Variants in EOLA2 observed in about 807,000 individuals in gnomAD.
EOLA2 encodes endothelium and lymphocyte associated ASCH domain 2.
Under a neutral mutation model 4.1 loss-of-function variants are expected in EOLA2, and 3 were observed. That is an observed-to-expected ratio of 0.73 (90% confidence interval 0.33 to 1.89). EOLA2 has a LOEUF of 1.89. Ranked by LOEUF, EOLA2 falls within the 40% of genes most tolerant of loss-of-function variation. The probability of loss-of-function intolerance (pLI) is 0.08; values close to 1 mark genes in which losing one functional copy is unlikely to be tolerated. For synonymous variants in EOLA2, 52 were observed against 51.7 expected, an observed-to-expected ratio of 1.01 and a Z score of -0.03; for missense variants, 109 against 126.4, an observed-to-expected ratio of 0.86 and a Z score of 0.66.
In EOLA2 at chrX:149,933,019, CAAGT is replaced by C. The variant is rs373546884; in HGVS notation, c.254-256_254-253del. 4.7e-4 allele frequency among the ~76,000 whole-genome samples: 50 copies of C among 106,367 alleles called. 1 individual carries two copies. The highest frequency in any genetic ancestry group is 1.7e-3 in the African/African-American group (48 of 27,954). 92.4% of individuals were successfully genotyped at this position (106,367 alleles called of 115,157 possible). A position where few individuals can be genotyped will look rare whatever the true frequency, so the allele number is the denominator to read the frequency against. On this transcript the variant is annotated intron_variant, in intron 4 of 4. Coordinates refer to ENST00000370406, the MANE Select transcript of EOLA2 (RefSeq NM_001013845.2). ...AGGGCCTTGTCCTCATGAAGCCACA[CAAGT>C]AAGAGGCAGGTCCAAGCCAGACTTC...
Position 149,932,736 on chromosome X carries a change from G to A in EOLA2, c.285C>T (p.Cys95=). The change falls in exon 5 of 5, where the codon TGC becomes TGT. Residue 95 remains cysteine (C), a synonymous_variant. Transcript: ENST00000370406. Reference sequence around the variant, plus strand: ...CCTCATCGGGAGTTAAGTCTTCGGGGCATTGCAAAGTTTCCCCAATGTCAA... The same window carrying A: ...CCTCATCGGGAGTTAAGTCTTCGGGACATTGCAAAGTTTCCCCAATGTCAA... The part of the protein sequence containing the change: ...GLVDIGETLQ[C]PEDLTPDEVV... The A allele has an allele frequency of 8.3e-7, 1 of 1,205,176 alleles. No homozygotes were observed.
intron 2 of EOLA2, 32 bp from the exon 3 acceptor site, chrX:149,934,169 G>T: frequency 2.0e-6 from 2 of 1,009,244 alleles, no homozygotes; most frequent in Non-Finnish European, 2.5e-6. Context: ...ATAGCATGTG[G>T]TCAGTGCTAT....
At position 149,933,145 on chromosome X, in the gene EOLA2, G is replaced by A. The variant is rs782193500; in HGVS notation, c.254-378C>T. Among the ~76,000 whole-genome samples, 50 of 100,258 alleles carry A rather than the reference G, an allele frequency of 5.0e-4. 1 individual carries two copies. The highest frequency in any genetic ancestry group is 3.0e-3 in the Admixed American group (28 of 9,276). 87.1% of individuals were successfully genotyped at this position (100,258 alleles called of 115,157 possible). A position where few individuals can be genotyped will look rare whatever the true frequency, so the allele number is the denominator to read the frequency against. ...TCACCAGGGGACAGATGCTGATGTC[G>A]GGCCTCAGTCACCTAGAGGTTAGGG... On this transcript the variant is annotated intron_variant, in intron 4 of 4. Transcript: ENST00000370406.
intron 2 of EOLA2, among the ~76,000 whole-genome samples, chrX:149,936,743 G>A (rs1263074722): frequency 9.1e-6 from 1 of 110,381 alleles, no homozygotes; most frequent in Admixed American, 9.6e-5. Flanking sequence ...CTTTGTTTCA[G>A]CCATCTTGGC....
intron 1 of EOLA2, 56 bp from the exon 2 acceptor site, chrX:149,937,536 G>A (rs1268004802): frequency 5.8e-6 from 2 of 342,997 alleles, no homozygotes; most frequent in African/African-American, 2.8e-5. Context: ...CAGCAAAGCT[G>A]GTTAATGGCC....
rs782347874 is a variant in EOLA2, at chrX:149,935,574, C to T, written c.-162-1437G>A. Among the ~76,000 whole-genome samples the T allele has an allele frequency of 9.3e-4, 75 of 80,594 alleles. 1 individual carries two copies. In the East Asian group the frequency reaches 0.012, roughly 13 times the overall value. 70.0% of individuals were successfully genotyped at this position (80,594 alleles called of 115,157 possible). The stretch of plus-strand genomic sequence containing the variant: ...ACCTATCCCCACAAGCACCCATGGC[C>T]GGCCTCATGCCAGTCCTGTCTTCAT... On this transcript the variant is annotated intron_variant, in intron 2 of 4. Transcript: ENST00000370406.
At chrX:149,936,887 G>T (rs1382305995) in intron 2 of EOLA2, among the ~76,000 whole-genome samples, 8 of 104,911 alleles carry the variant, frequency 7.6e-5, no homozygotes, top group Non-Finnish European at 1.4e-4. Context: ...TCCCATTGTT[G>T]GTCGTCTCAT....
At position 149,934,054 on chromosome X, in the gene EOLA2, G is replaced by A; in HGVS notation, c.-79C>T. The A allele has an allele frequency of 1.8e-6, 2 of 1,088,695 alleles. No individual in the cohort carries two copies. The highest frequency in any genetic ancestry group is 2.4e-6 in the Non-Finnish European group (2 of 839,000). The allele number at this position is 1,088,695 out of a possible 1,213,427, so 89.7% of individuals were successfully genotyped here. A position where few individuals can be genotyped will look rare whatever the true frequency, so the allele number is the denominator to read the frequency against. ...GTCACTGATGTCGAGCACCACAGCA[G>A]GCCCAAGGGAAGGGGCTAGGATTCG... On this transcript the variant is annotated 5_prime_UTR_variant, in exon 3 of 5. Coordinates refer to ENST00000370406, the MANE Select transcript of EOLA2 (RefSeq NM_001013845.2).
downstream of EOLA2, chrX:149,932,128 C>T (rs1230540086): frequency 1.8e-5 from 14 of 774,540 alleles, no homozygotes; most frequent in Admixed American, 7.3e-5. Context: ...ATGCTAGTTA[C>T]ACATTTGATG....
intron 2 of EOLA2, among the ~76,000 whole-genome samples, chrX:149,936,837 A>G (rs1258215913): frequency 9.8e-6 from 1 of 101,611 alleles, no homozygotes; most frequent in Non-Finnish European, 2.0e-5. Context: ...TTTCCACCTG[A>G]CAATCTTCAT....
chrX:149,931,602 T>G (rs1385865121), downstream of EOLA2, among the ~76,000 whole-genome samples: 6 of 92,862 alleles, frequency 6.5e-5, no homozygotes, highest in Admixed American at 4.9e-4. Flanking sequence ...CCAGGAAGTG[T>G]CTGGTCAGCA....
intron 2 of EOLA2, among the ~76,000 whole-genome samples, chrX:149,935,529 A>C (rs868935316): frequency 6.1e-3 from 20 of 3,268 alleles, no homozygotes; most frequent in South Asian, 0.043. Flanking sequence ...CACCCCCCCC[A>C]CCACCCACTC....
At chrX:149,934,322 C>T (rs2090941768) in intron 2 of EOLA2, 185 bp from the exon 3 acceptor site, 2 of 590,584 alleles carry the variant, frequency 3.4e-6, no homozygotes, top group Non-Finnish European at 2.1e-6. Flanking sequence ...CTTTCCCCTG[C>T]TGTGCCCTGC....
downstream of EOLA2, among the ~76,000 whole-genome samples, chrX:149,930,350 C>T (rs1557374110): frequency 9.0e-6 from 1 of 111,692 alleles, no homozygotes; most frequent in African/African-American, 3.3e-5. Flanking sequence ...TCATATTTTG[C>T]AGACCTGCAT....
At chrX:149,931,336 G>C (rs782789386), downstream of EOLA2, 1 of 288,998 alleles carries the variant, frequency 3.5e-6, no homozygotes, top group East Asian at 5.9e-5. Context: ...ACATCTCATT[G>C]GCAGAAACCA....
chrX:149,933,960 C>G (rs1448843276), intron 3 of EOLA2, 45 bp downstream of exon 3: 2 of 1,161,260 alleles, frequency 1.7e-6, no homozygotes, highest in Admixed American at 2.4e-5. Context: ...GGGCAGTGGC[C>G]TGACCTTCCC....
Position 149,933,898 on chromosome X carries a change from C to T in EOLA2, c.-24G>A, listed in dbSNP as rs782198624. The T allele has an allele frequency of 4.8e-5, 57 of 1,192,213 alleles. No individual in the cohort carries two copies. The highest frequency in any genetic ancestry group is 6.0e-5 in the Non-Finnish European group (53 of 884,775). On this transcript the variant is annotated 5_prime_UTR_variant, in exon 4 of 5. Coordinates refer to ENST00000370406, the MANE Select transcript of EOLA2 (RefSeq NM_001013845.2). Reference sequence around the variant, plus strand: ...ATCTTCGCAAGCGCCCCGGGCCTCCCGTAGCCTGCGGAAGCACAGAAGCGC... The same window carrying T: ...ATCTTCGCAAGCGCCCCGGGCCTCCTGTAGCCTGCGGAAGCACAGAAGCGC...
rs1323304994 is a variant in EOLA2, at chrX:149,937,496, G to A, written c.-210-16C>T. On this transcript the variant is annotated splice_polypyrimidine_tract_variant and intron_variant, in intron 1 of 4. Transcript: ENST00000370406. Reference sequence around the variant, plus strand: ...GTTTCTTTACCTGCACAACAAGGAAGATAAAGAGGAAAGGTCATTAAATGC... The same window carrying A: ...GTTTCTTTACCTGCACAACAAGGAAAATAAAGAGGAAAGGTCATTAAATGC... 17 of 591,736 alleles carry A rather than the reference G, an allele frequency of 2.9e-5. No homozygotes were observed. The highest frequency in any genetic ancestry group is 3.5e-5 in the Non-Finnish European group (17 of 490,585). The allele number at this position is 591,736 out of a possible 1,213,427, so 48.8% of individuals were successfully genotyped here.
rs1404172419 is a variant in EOLA2, at chrX:149,938,459, C to T, written c.-477G>A. ...CATAACTTCGGCTTTCATGCAGCTC[C>T]CGTCGTCCCTTTCATGAGGAACGTA... On this transcript the variant is annotated 5_prime_UTR_variant, in exon 1 of 5. Transcript: ENST00000370406. The T allele has an allele frequency of 8.9e-6, 1 of 112,881 alleles. No homozygotes were observed. Among genetic ancestry groups the T allele is most frequent in the African/African-American group, 3.2e-5 (1 of 31,056 alleles). 9.3% of individuals were successfully genotyped at this position (112,881 alleles called of 1,213,427 possible).
Sources: allele counts gnomAD v4.1 joint callset (sites outside exome capture counted in the v4.1 genomes callset), GRCh38; gene constraint gnomAD v4.1.1; transcripts MANE v1.5; gene names NCBI Gene and HGNC (gene_info 2026-07-23, HGNC 2026-07-21).